The following IMMT variants were observed in gnomAD, a reference collection of about 807,000 sequenced individuals.
The protein encoded by IMMT is inner membrane mitochondrial protein.
IMMT carries 40 observed loss-of-function variants against 92.7 expected under a neutral mutation model. The observed-to-expected ratio is 0.43, with a 90% confidence interval of 0.34 to 0.56. The LOEUF is 0.56. Ranked by LOEUF, IMMT falls within the 20% of genes least tolerant of loss-of-function variation. The pLI is 0.03. For synonymous variants in IMMT, 322 were observed against 336.1 expected, an observed-to-expected ratio of 0.96 and a Z score of 0.46; for missense variants, 831 against 912.1, an observed-to-expected ratio of 0.91 and a Z score of 1.14.
intron 4 of IMMT, among the ~76,000 whole-genome samples, chr2:86,172,722 C>T (rs901591422): frequency 6.6e-6 from 1 of 152,172 alleles, no homozygotes; most frequent in Admixed American, 6.5e-5. Flanking sequence ...TCTCCCCTTA[C>T]TCAATTCACT....
intron 12 of IMMT, 70 bp from the exon 13 acceptor site, chr2:86,147,903 C>T: frequency 6.8e-7 from 1 of 1,479,300 alleles, no homozygotes; most frequent in Non-Finnish European, 9.2e-7. Context: ...ACAGAAAGAC[C>T]ACTATCAACC....
Position 86,150,920 on chromosome 2 carries a change from A to AT in IMMT, c.1401+376dup, listed in dbSNP as rs35901635. Among the ~76,000 whole-genome samples the AT allele has an allele frequency of 2.0e-3, 288 of 145,594 alleles. 2 individuals carry two copies. The highest frequency in any genetic ancestry group is 4.1e-3 in the East Asian group (20 of 4,876). On this transcript the variant is annotated intron_variant, in intron 12 of 14. Coordinates refer to ENST00000410111, the MANE Select transcript of IMMT (RefSeq NM_006839.3). ...TATCCTAAAGCCAATGACTGTCAGT[A>AT]TTTTTTTTTTTTTTTTGAGACAGTC...
At chr2:86,163,902 T>C (rs997616911) in intron 7 of IMMT, among the ~76,000 whole-genome samples, 2 of 141,598 alleles carry the variant, frequency 1.4e-5, no homozygotes, top group Admixed American at 1.5e-4. Flanking sequence ...GAGGTTGCAG[T>C]GAGCCGAGAT....
intron 10 of IMMT, among the ~76,000 whole-genome samples, chr2:86,156,526 G>A (rs1675867750): frequency 1.3e-5 from 2 of 150,620 alleles, no homozygotes; most frequent in Admixed American, 6.6e-5. Context: ...CCCATGAGGC[G>A]GAGGTTGCAG....
At chr2:86,153,155 A>G (rs145233833) in intron 11 of IMMT, among the ~76,000 whole-genome samples, 90 of 152,316 alleles carry the variant, frequency 5.9e-4, no homozygotes, top group African/African-American at 2.2e-3. Context: ...TGCTTTCTAT[A>G]TAAGCTGAGG....
At chr2:86,154,001 TAGAGGTGTATGCC>T (rs1432707460) in intron 10 of IMMT, among the ~76,000 whole-genome samples, 16 of 152,124 alleles carry the variant, frequency 1.1e-4, no homozygotes, top group African/African-American at 3.9e-4. Flanking sequence ...TAACTTGGAC[TAGAGGTGTATGCC>T]ACCATACCCG....
At chr2:86,170,654 A>C in intron 6 of IMMT, 95 bp downstream of exon 6, 1 of 781,352 alleles carries the variant, frequency 1.3e-6, no homozygotes, top group South Asian at 1.6e-5. Context: ...AGAAACCACA[A>C]CTAGGTGATA....
chr2:86,161,755 C>A (rs1442613016), intron 8 of IMMT, among the ~76,000 whole-genome samples: 1 of 151,892 alleles, frequency 6.6e-6, no homozygotes, highest in African/African-American at 2.4e-5. Flanking sequence ...ACCTCGTGAT[C>A]TGTCCGCCTC....
chr2:86,149,224 T>C (rs1209896458), intron 12 of IMMT, among the ~76,000 whole-genome samples: 1 of 152,172 alleles, frequency 6.6e-6, no homozygotes, highest in Non-Finnish European at 1.5e-5. Context: ...GGCTTAAAAC[T>C]TAAGCTTAGA....
At chr2:86,164,336 T>G (rs1573907664) in intron 7 of IMMT, among the ~76,000 whole-genome samples, 2 of 149,818 alleles carry the variant, frequency 1.3e-5, no homozygotes, top group Admixed American at 1.3e-4. Flanking sequence ...GGATTACAGG[T>G]ATGAGCCACC....
intron 1 of IMMT, among the ~76,000 whole-genome samples, chr2:86,188,004 G>A (rs1573949149): frequency 6.6e-6 from 1 of 151,632 alleles, no homozygotes; most frequent in African/African-American, 2.4e-5. Flanking sequence ...ATGTATGAGG[G>A]TTCCAATTTC....
At chr2:86,182,875 CA>C (rs1553450679) in intron 1 of IMMT, among the ~76,000 whole-genome samples, 23 of 150,292 alleles carry the variant, frequency 1.5e-4, no homozygotes, top group South Asian at 2.1e-4. Context: ...AAAAAAAAAA[CA>C]AAAACAAAAA....
At chr2:86,162,882 A>G (rs773330543) in intron 7 of IMMT, among the ~76,000 whole-genome samples, 2 of 152,056 alleles carry the variant, frequency 1.3e-5, no homozygotes, top group Non-Finnish European at 2.9e-5. Flanking sequence ...CAGATCCAAC[A>G]TGTTTTTCTC....
chr2:86,167,835 T>G (rs934512724), intron 6 of IMMT, among the ~76,000 whole-genome samples: 22 of 152,172 alleles, frequency 1.4e-4, no homozygotes, highest in Admixed American at 8.5e-4. Flanking sequence ...GTGTTTTTTT[T>G]TTTCAAAATT....
chr2:86,165,946 C>T lies in IMMT; in HGVS notation c.792+562G>A, dbSNP rs532173891. Among the ~76,000 whole-genome samples, 6 of 152,266 alleles carry T rather than the reference C, an allele frequency of 3.9e-5. No individual in the cohort carries two copies. The East Asian group carries it at 5.8e-4, about 15-fold the overall frequency. ...GAAAGCAAATCTGAACTAATTCTTG[C>T]GCTGCATCGGTGTTGTAAGATATAG... On this transcript the variant is annotated intron_variant, in intron 7 of 14. Coordinates refer to ENST00000410111, the MANE Select transcript of IMMT (RefSeq NM_006839.3).
chr2:86,195,262 G>A, intron 1 of IMMT, 76 bp downstream of exon 1: 12 of 1,419,372 alleles, frequency 8.5e-6, no homozygotes, highest in Non-Finnish European at 1.1e-5. Flanking sequence ...GCTAGGCAGC[G>A]ACCAAGGCTC....
At chr2:86,194,066 G>A (rs763367958) in intron 1 of IMMT, among the ~76,000 whole-genome samples, 3 of 152,236 alleles carry the variant, frequency 2.0e-5, no homozygotes, top group Non-Finnish European at 4.4e-5. Flanking sequence ...CTTGAGGCAA[G>A]GAACTGTAGG....
At chr2:86,192,164 T>C (rs1020855111) in intron 1 of IMMT, among the ~76,000 whole-genome samples, 1 of 152,082 alleles carries the variant, frequency 6.6e-6, no homozygotes, top group East Asian at 1.9e-4. Flanking sequence ...GCCCAGGAGA[T>C]TGAGACTGCA....
At chr2:86,195,063 C>G (rs1049096480) in intron 1 of IMMT, 1 of 394,572 alleles carries the variant, frequency 2.5e-6, no homozygotes, top group Non-Finnish European at 4.7e-6. Flanking sequence ...TGGTCCTGGA[C>G]GGGGGCAGCG....
Sources: gnomAD v4.1 joint callset for allele counts (sites outside exome capture counted in the v4.1 genomes callset) on GRCh38, gnomAD v4.1.1 for gene constraint, MANE v1.5 for transcripts, NCBI Gene and HGNC (gene_info 2026-07-23, HGNC 2026-07-21) for gene names.